The following CYP4F3 variants were observed in gnomAD, a reference collection of about 807,000 sequenced individuals.
CYP4F3 encodes the protein cytochrome P450 4F3.
CYP4F3 carries 50 observed loss-of-function variants against 54.8 expected under a neutral mutation model. The observed-to-expected ratio is 0.91, with a 90% CI of 0.73 to 1.16. The LOEUF (loss-of-function observed/expected upper bound fraction) is 1.16. Ranked by LOEUF, CYP4F3 falls within the 50% of genes most tolerant of loss-of-function variation. The probability of loss-of-function intolerance (pLI) is 0.00; values close to 1 mark genes in which losing one functional copy is unlikely to be tolerated. For synonymous variants in CYP4F3, 244 were observed against 262.6 expected (o/e 0.93, Z 0.69); for missense variants, 715 against 676.2 (o/e 1.06, Z -0.64).
Position 15,659,217 on chromosome 19 carries a change from A to T in CYP4F3, c.1398-3A>T, listed in dbSNP as rs10404649. ...AGTCAGAGTTTCCACCTCCCTCCCC[A>T]AGGAACTGCATCGGGCAGGCGTTCG... is the stretch of plus-strand genomic sequence containing the variant. On this transcript the variant is annotated splice_region_variant and splice_polypyrimidine_tract_variant and intron_variant, in intron 12 of 12. Transcript: ENST00000221307. 0.54 allele frequency: 778,862 copies of T among 1,432,020 alleles called. 231,637 individuals carry two copies. Among genetic ancestry groups the T allele is most frequent in the East Asian group, 0.7 (29,472 of 42,032 alleles). 88.7% of individuals were successfully genotyped at this position (1,432,020 alleles called of 1,614,324 possible). A position where few individuals can be genotyped will look rare whatever the true frequency, so the allele number is the denominator to read the frequency against.
At chr19:15,651,280 T>C (rs1187012416) in intron 7 of CYP4F3, among the ~76,000 whole-genome samples, 1 of 140,648 alleles carries the variant, frequency 7.1e-6, no homozygotes, top group Admixed American at 7.1e-5. Flanking sequence ...TTTCTCTGTG[T>C]TTGTGTCTTT....
chr19:15,658,624 G>A (rs1871422844), intron 11 of CYP4F3, 69 bp downstream of exon 11: 4 of 1,609,612 alleles, frequency 2.5e-6, no homozygotes. Flanking sequence ...GTTTTGATCA[G>A]GAGAATCCAA....
At chr19:15,642,994 T>C (rs28371472) in intron 2 of CYP4F3, among the ~76,000 whole-genome samples, 1,886 of 151,794 alleles carry the variant, frequency 0.012, 38 homozygotes, top group African/African-American at 0.043. Flanking sequence ...ATATGTAGGA[T>C]GGATAGATTA....
rs1434217120 is a variant in CYP4F3 at position 15,658,736 on chromosome 19, C to A, written c.1324C>A (p.Pro442Thr). 8 of 1,614,106 alleles carry A rather than the reference C, an allele frequency of 5.0e-6. No homozygotes were observed. The highest frequency in any genetic ancestry group is 6.8e-6 in the Non-Finnish European group (8 of 1,180,018). Residue 442 changes from proline to threonine, a missense_variant, in exon 12 of 13, where the codon CCC becomes ACC. By Grantham distance (38) the Pro-to-Thr change is conservative. Transcript: ENST00000221307. ...TTGGTCTCGCCTCCAGGTCTATGAC[C>A]CCTTTCGCTTTGACCCAAAGAACAT... Reference protein sequence around the residue: ...AVWPDPEVYDPFRFDPKNIKE... With the variant: ...AVWPDPEVYDTFRFDPKNIKE...
chr19:15,653,055 T>A, intron 9 of CYP4F3, 103 bp downstream of exon 9: 3 of 1,470,708 alleles, frequency 2.0e-6, no homozygotes, highest in South Asian at 2.7e-5. Flanking sequence ...CTGCCACTAT[T>A]GCTTAGTGGG....
At chr19:15,650,742 C>CTT (rs1416808345) in intron 7 of CYP4F3, among the ~76,000 whole-genome samples, 2 of 71,826 alleles carry the variant, frequency 2.8e-5, no homozygotes, top group Non-Finnish European at 2.6e-5. Context: ...CTTTCTTTTC[C>CTT]TTCCTTCCAT....
intron 7 of CYP4F3, 159 bp downstream of exon 7, chr19:15,650,342 G>C: frequency 7.2e-7 from 1 of 1,393,344 alleles, no homozygotes; most frequent in Admixed American, 2.0e-5. Context: ...AGATAGCTCT[G>C]TGGACTAGCA....
At chr19:15,643,804 C>A in intron 2 of CYP4F3, 1 of 1,331,508 alleles carries the variant, frequency 7.5e-7, no homozygotes, top group Non-Finnish European at 9.7e-7. Context: ...CTGGAAACAC[C>A]CTCACAGACG....
At chr19:15,641,214 G>A (rs1972452047) in intron 1 of CYP4F3, 1 of 607,796 alleles carries the variant, frequency 1.6e-6, no homozygotes, top group South Asian at 2.1e-5. Context: ...GTGCTTACCG[G>A]GTAACTGGAG....
intron 2 of CYP4F3, among the ~76,000 whole-genome samples, chr19:15,643,451 T>C (rs62104377): frequency 4.1e-5 from 6 of 146,266 alleles, no homozygotes; most frequent in Non-Finnish European, 7.6e-5. Context: ...GATAGATAGA[T>C]AGATAGACAG....
At position 15,647,060 on chromosome 19, in the gene CYP4F3, G is replaced by T. The variant is rs150284363; in HGVS notation, c.352G>T (p.Val118Leu). The part of the protein sequence containing the change: ...KPVLFAPAAI[V>L]PKDKVFYSFL... Reference sequence around the variant, plus strand: ...GTCCTCATTTATGTCAGCTGCCATTGTACCAAAGGACAAGGTCTTCTACAG... The same window carrying T: ...GTCCTCATTTATGTCAGCTGCCATTTTACCAAAGGACAAGGTCTTCTACAG... The change falls in exon 4 of 13, where the codon GTA becomes TTA. Residue 118 changes from valine (V) to leucine (L), a missense_variant. Coordinates refer to ENST00000221307, the MANE Select transcript of CYP4F3 (RefSeq NM_000896.3). 6.8e-6 allele frequency: 11 copies of T among 1,613,938 alleles called. No homozygotes were observed. Among genetic ancestry groups the T allele is most frequent in the Non-Finnish European group, 9.3e-6 (11 of 1,180,018 alleles).
At chr19:15,643,386 G>A (rs935332847) in intron 2 of CYP4F3, among the ~76,000 whole-genome samples, 3 of 150,562 alleles carry the variant, frequency 2.0e-5, no homozygotes, top group African/African-American at 7.3e-5. Flanking sequence ...AGGTAGATAT[G>A]TAGAGATATA....
At chr19:15,658,235 T>C (rs1389963371) in intron 9 of CYP4F3, 29 bp from the exon 10 acceptor site, 1 of 1,607,804 alleles carries the variant, frequency 6.2e-7, no homozygotes, top group Non-Finnish European at 8.5e-7. Flanking sequence ...GCTCCCTTGA[T>C]AAGGATTGGG....
chr19:15,650,870 T>TCTCTCTCTCTCTC (rs1445217141), intron 7 of CYP4F3, among the ~76,000 whole-genome samples: 1 of 39,478 alleles, frequency 2.5e-5, no homozygotes, highest in Admixed American at 3.3e-4. Flanking sequence ...TTCTTTCTTT[T>TCTCTCTCTCTCTC]TCTCTCTCTC....
chr19:15,648,828 T>C (rs933735332), intron 5 of CYP4F3, among the ~76,000 whole-genome samples: 2 of 152,140 alleles, frequency 1.3e-5, no homozygotes, highest in African/African-American at 4.8e-5. Flanking sequence ...GTTTCTAACA[T>C]GAATTATATG....
intron 9 of CYP4F3, among the ~76,000 whole-genome samples, chr19:15,657,176 T>C (rs994653808): frequency 1.3e-5 from 2 of 152,252 alleles, no homozygotes; most frequent in South Asian, 4.1e-4. Flanking sequence ...CTCCAAACTT[T>C]TGCTAAACTG....
chr19:15,650,092 G>A lies in CYP4F3; in HGVS notation c.827G>A (p.Arg276His), dbSNP rs113330239. ...FTDAVIQERR[R>H]TLPSQGVDDF... ...GATGCCGTCATCCAGGAGCGGCGCC[G>A]CACCCTCCCTAGCCAGGGTGTTGAT... Residue 276 changes from arginine (R) to histidine (H), a missense_variant, in exon 7 of 13, where the codon CGC (arginine) becomes CAC (histidine). Arg to His is a conservative substitution (Grantham distance 29). Transcript: ENST00000221307. 34 of 1,614,178 alleles carry A rather than the reference G, an allele frequency of 2.1e-5. No homozygotes were observed. Among genetic ancestry groups the A allele is most frequent in the African/African-American group, 8.0e-5 (6 of 75,030 alleles).
chr19:15,641,006 G>A, intron 1 of CYP4F3, 61 bp downstream of exon 1: 1 of 196,502 alleles, frequency 5.1e-6, no homozygotes, highest in Non-Finnish European at 1.1e-5. Context: ...TGGGCACTGG[G>A]CAAGGGATTG....
rs1555744895 is a variant in CYP4F3, at chr19:15,660,719, A to ACTTTTTTTTTTTT, written c.*1334_*1335insCTTTTTTTTTTTT. 1 of 143,384 alleles carries ACTTTTTTTTTTTT rather than the reference A, an allele frequency of 7.0e-6. No homozygotes were observed. The highest frequency in any genetic ancestry group is 2.6e-5 in the African/African-American group (1 of 38,316). 8.9% of individuals were successfully genotyped at this position (143,384 alleles called of 1,614,324 possible). A position where few individuals can be genotyped will look rare whatever the true frequency, so the allele number is the denominator to read the frequency against. ...GACAAGACTTTGACAGGGGTGCCTA[A>ACTTTTTTTTTTTT]TTTTTTTTTTTTTTTGAGATGGAGT... On this transcript the variant is annotated 3_prime_UTR_variant, in exon 13 of 13. Transcript: ENST00000221307.
Sources: gnomAD v4.1 joint callset for allele counts (sites outside exome capture counted in the v4.1 genomes callset) on GRCh38, gnomAD v4.1.1 for gene constraint, MANE v1.5 for transcripts, NCBI Gene and HGNC (gene_info 2026-07-23, HGNC 2026-07-21) for gene names.